MPP7: variants seen among roughly 807,000 people sequenced by gnomAD.
The protein encoded by MPP7 is MAGUK p55 scaffold protein 7, also known as MAGUK p55 subfamily member 7.
In MPP7, 60 loss-of-function variants were observed where a neutral mutation model predicts 76.5. The ratio of observed to expected loss-of-function variants is 0.78; its 90% CI spans 0.64 to 0.97. MPP7 has a LOEUF of 0.97. Ranked by LOEUF, MPP7 falls within the 50% of genes least tolerant of loss-of-function variation. The pLI is 0.00. For missense variants in MPP7, 641 were observed against 694.0 expected (o/e 0.92, Z 0.86); for synonymous variants, 237 against 244.5 (o/e 0.97, Z 0.29).
At chr10:28,097,590 T>C (rs1230558966) in intron 11 of MPP7, among the ~76,000 whole-genome samples, 3 of 152,124 alleles carry the variant, frequency 2.0e-5, no homozygotes, top group Admixed American at 6.6e-5. Flanking sequence ...CATTACCCTA[T>C]ATACATAGAT....
chr10:28,312,034 G>A (rs1458188480), intron 2 of MPP7, among the ~76,000 whole-genome samples: 3 of 152,110 alleles, frequency 2.0e-5, no homozygotes, highest in Non-Finnish European at 4.4e-5. Context: ...TTCAAGAATG[G>A]AGATGGTCCT....
At position 28,077,897 on chromosome 10, in the gene MPP7, T is replaced by C. The variant is rs139114345; in HGVS notation, c.1124-8045A>G. ...TGATGATGACATAGTGAGTTCTTTTTACATGACAGGCATGTGTGACATGGT... is the reference window on the plus strand; with the variant it reads ...TGATGATGACATAGTGAGTTCTTTTCACATGACAGGCATGTGTGACATGGT... On this transcript the variant is annotated intron_variant, in intron 12 of 16. Coordinates refer to ENST00000683449, the MANE Select transcript of MPP7 (RefSeq NM_001318170.2). Among the ~76,000 whole-genome samples the C allele has an allele frequency of 1.2e-4, 19 of 152,330 alleles. No individual in the cohort carries two copies. In the East Asian group the frequency reaches 3.5e-3, roughly 28 times the overall value.
chr10:28,240,668 C>T (rs11006942), intron 1 of MPP7, among the ~76,000 whole-genome samples: 24,719 of 152,006 alleles, frequency 0.16, 2,355 homozygotes, highest in African/African-American at 0.26. Context: ...TTTTTTCTAA[C>T]AATTTTGAAA....
intron 2 of MPP7, among the ~76,000 whole-genome samples, chr10:28,204,336 G>A (rs1349284331): frequency 1.3e-5 from 2 of 151,718 alleles, no homozygotes; most frequent in Non-Finnish European, 2.9e-5. Flanking sequence ...TCAGCTACTC[G>A]GGAGGCTGAG....
chr10:28,109,884 A>T (rs1271874667), intron 11 of MPP7, among the ~76,000 whole-genome samples: 1 of 147,002 alleles, frequency 6.8e-6, no homozygotes, highest in Non-Finnish European at 1.5e-5. Flanking sequence ...CACTTAAAAC[A>T]ATTAGGTAAA....
chr10:28,297,459 G>A (rs961573866), intron 1 of MPP7, among the ~76,000 whole-genome samples: 6 of 152,190 alleles, frequency 3.9e-5, no homozygotes, highest in Admixed American at 3.9e-4. Flanking sequence ...AACACTTTGG[G>A]AGGCTGAGGT....
rs114630152 is a variant in MPP7 at position 28,331,920 on chromosome 10, C to T, written c.-205-1918G>A. Among the ~76,000 whole-genome samples the T allele has an allele frequency of 8.1e-3, 1,226 of 152,222 alleles. 12 individuals carry two copies. The highest frequency in any genetic ancestry group is 0.028 in the African/African-American group (1,181 of 41,530). ...ATAGAAATGAGAACAATTTGTATTC[C>T]TACAATTCATCTCCTTGGTATTGCT... On this transcript the variant is annotated intron_variant, in intron 1 of 11. Coordinates refer to the MPP7 transcript ENST00000441595.
rs201942988 is a variant in MPP7, at chr10:28,300,714, G to A, written c.-132+2147C>T. On this transcript the variant is annotated intron_variant, in intron 1 of 16. Coordinates refer to ENST00000683449, the MANE Select transcript of MPP7 (RefSeq NM_001318170.2). The stretch of plus-strand genomic sequence containing the variant: ...CGCCTGTAATCCCAGCACTTTGGGA[G>A]GCCAAGGCAGGCAGATCACTTGAGG... Among the ~76,000 whole-genome samples, 26 of 152,156 alleles carry A rather than the reference G, an allele frequency of 1.7e-4. No homozygotes were observed. In the East Asian group the frequency reaches 3.9e-3, roughly 23 times the overall value.
intron 1 of MPP7, among the ~76,000 whole-genome samples, chr10:28,287,976 G>T (rs1204042924): frequency 6.6e-6 from 1 of 152,154 alleles, no homozygotes; most frequent in African/African-American, 2.4e-5. Flanking sequence ...ACAATTATCA[G>T]AAAAGACTAT....
At chr10:28,277,580 C>T (rs73608085) in intron 1 of MPP7, among the ~76,000 whole-genome samples, 5,638 of 151,928 alleles carry the variant, frequency 0.037, 426 homozygotes, top group African/African-American at 0.13. Context: ...AATATAGCAA[C>T]CTCAGAGCCT....
Position 28,069,620 on chromosome 10 carries a change from A to AAAC in MPP7, c.1204+151_1204+152insGTT. ...TCCATCTCAAAAAAACAAAACAAAC[A>AAAC]AAAAAAAAACTCACATGCCCCATAA... On this transcript the variant is annotated intron_variant, in intron 13 of 16. Transcript: ENST00000683449. The AAAC allele has an allele frequency of 8.9e-5, 31 of 347,136 alleles. 3 individuals carry two copies. The highest frequency in any genetic ancestry group is 7.3e-4 in the Middle Eastern group (1 of 1,370). The allele number at this position is 347,136 out of a possible 1,614,324, so 21.5% of individuals were successfully genotyped here.
intron 12 of MPP7, among the ~76,000 whole-genome samples, chr10:28,083,679 A>T (rs1407906939): frequency 1.3e-5 from 2 of 151,722 alleles, no homozygotes; most frequent in Non-Finnish European, 1.5e-5. Flanking sequence ...CTGGGATTAC[A>T]GGCGCCCGAC....
chr10:28,300,063 G>A (rs1039722616), intron 1 of MPP7, among the ~76,000 whole-genome samples: 1 of 152,134 alleles, frequency 6.6e-6, no homozygotes. Context: ...CACCATGCCT[G>A]GCCAAAACTC....
At chr10:28,105,805 C>T (rs1036838490) in intron 11 of MPP7, among the ~76,000 whole-genome samples, 14 of 152,164 alleles carry the variant, frequency 9.2e-5, no homozygotes, top group East Asian at 1.9e-4. Context: ...TGAGTCACCA[C>T]GCTCTGCCTC....
intron 3 of MPP7, among the ~76,000 whole-genome samples, chr10:28,167,013 T>C (rs150910829): frequency 3.3e-4 from 50 of 152,258 alleles, no homozygotes; most frequent in East Asian, 2.1e-3. Flanking sequence ...TCTGCTATTA[T>C]GAACTCTGCT....
intron 11 of MPP7, among the ~76,000 whole-genome samples, chr10:28,110,320 C>A (rs1255090731): frequency 3.9e-5 from 6 of 152,142 alleles, no homozygotes; most frequent in Non-Finnish European, 8.8e-5. Flanking sequence ...GAAATCCTGA[C>A]CTCAGGTGAT....
intron 3 of MPP7, 102 bp downstream of exon 3, chr10:28,202,051 G>T: frequency 2.5e-6 from 2 of 808,804 alleles, no homozygotes; most frequent in Admixed American, 2.1e-5. Context: ...AGGCTGTTTT[G>T]TTTTCAGAGA....
intron 2 of MPP7, among the ~76,000 whole-genome samples, chr10:28,237,205 CAT>C (rs1354171781): frequency 6.6e-6 from 1 of 152,140 alleles, no homozygotes; most frequent in African/African-American, 2.4e-5. Context: ...AGGTTTAAAA[CAT>C]ATTCATTACA....
intron 2 of MPP7, among the ~76,000 whole-genome samples, chr10:28,213,101 G>A (rs888827901): frequency 2.6e-5 from 4 of 151,992 alleles, no homozygotes; most frequent in Admixed American, 6.6e-5. Flanking sequence ...CCCTAGATGT[G>A]ACTAATTTTT....
Sources: allele counts gnomAD v4.1 joint callset (sites outside exome capture counted in the v4.1 genomes callset), GRCh38; gene constraint gnomAD v4.1.1; transcripts MANE v1.5; gene names NCBI Gene and HGNC (gene_info 2026-07-23, HGNC 2026-07-21).